AZIN2: variants seen among roughly 807,000 people sequenced by gnomAD.
AZIN2 encodes the protein ODC antizyme inhibitor-2.
Under a neutral mutation model 47.8 loss-of-function variants are expected in AZIN2, and 28 were observed. That is an observed-to-expected ratio of 0.59 (90% confidence interval 0.43 to 0.80). The LOEUF (loss-of-function observed/expected upper bound fraction) is 0.80, where lower values mean the gene tolerates loss of function less well. Ranked by LOEUF, AZIN2 falls within the 30% of genes least tolerant of loss-of-function variation. AZIN2 has a pLI of 0.00. For missense variants in AZIN2, 535 were observed against 582.5 expected (o/e 0.92, Z 0.84); for synonymous variants, 221 against 239.4 (o/e 0.92, Z 0.71).
In AZIN2 at chr1:33,122,055, T is replaced by C. The variant is rs1446890293; in HGVS notation, c.*1873T>C. On this transcript the variant is annotated 3_prime_UTR_variant, in exon 12 of 12. Coordinates refer to ENST00000294517, the MANE Select transcript of AZIN2 (RefSeq NM_052998.4). ...GGTTACTCTACTACCCCGTGATCCA[T>C]CAAAGCCACGATTTACAGGTATTAC... 6.6e-6 allele frequency among the ~76,000 whole-genome samples: 1 copy of C among 152,202 alleles called. No homozygotes were observed. The highest frequency in any genetic ancestry group is 1.5e-5 in the Non-Finnish European group (1 of 68,038).
the AZIN2 span, among the ~76,000 whole-genome samples, chr1:33,160,664 C>T: frequency 1.3e-5 from 2 of 152,086 alleles, no homozygotes; most frequent in African/African-American, 4.8e-5. Flanking sequence ...CTTGGCCTCC[C>T]AAAGTGCTGG....
At chr1:33,114,154 C>T (rs957583096) in intron 10 of AZIN2, among the ~76,000 whole-genome samples, 4 of 150,832 alleles carry the variant, frequency 2.7e-5, no homozygotes, top group Non-Finnish European at 5.9e-5. Flanking sequence ...TGGAGTCCTG[C>T]TCTGTCACCC....
At chr1:33,130,481 G>T in the AZIN2 span, among the ~76,000 whole-genome samples, 1 of 152,168 alleles carries the variant, frequency 6.6e-6, no homozygotes, top group Admixed American at 6.5e-5. Context: ...ATGTGTCAAA[G>T]AACAGATGAC....
the AZIN2 span, chr1:33,145,842 C>T: frequency 4.2e-6 from 2 of 470,932 alleles, no homozygotes; most frequent in Non-Finnish European, 8.8e-6. Context: ...GCTTGCTCCA[C>T]CCACCCTAAC....
chr1:33,109,666 A>G (rs1644198362), intron 10 of AZIN2, among the ~76,000 whole-genome samples: 1 of 152,036 alleles, frequency 6.6e-6, no homozygotes, highest in Admixed American at 6.6e-5. Flanking sequence ...TTTAATTTTA[A>G]TAAAGTCCAG....
intron 5 of AZIN2, among the ~76,000 whole-genome samples, chr1:33,090,831 A>G (rs1203335284): frequency 6.6e-6 from 1 of 152,126 alleles, no homozygotes; most frequent in East Asian, 1.9e-4. Flanking sequence ...GTATCCTTTG[A>G]CCAACTTCTT....
chr1:33,126,847 T>G (rs917528690), downstream of AZIN2, among the ~76,000 whole-genome samples: 14 of 152,218 alleles, frequency 9.2e-5, no homozygotes, highest in African/African-American at 3.4e-4. Flanking sequence ...CGTGTCTCAT[T>G]GCAATATTTG....
In AZIN2 at chr1:33,122,898, C is replaced by T. The variant is rs573321784; in HGVS notation, c.*2716C>T. Among the ~76,000 whole-genome samples the T allele has an allele frequency of 2.0e-5, 3 of 152,298 alleles. No homozygotes were observed. Among genetic ancestry groups the T allele is most frequent in the East Asian group, 3.9e-4 (2 of 5,180 alleles). On this transcript the variant is annotated 3_prime_UTR_variant, in exon 12 of 12. Coordinates refer to ENST00000294517, the MANE Select transcript of AZIN2 (RefSeq NM_052998.4). Reference sequence around the variant, plus strand: ...GACTGGCCCCTTCTTCCCCTTTCCCCTCCACAGTCCATCCTCCACTCAGCA... The same window carrying T: ...GACTGGCCCCTTCTTCCCCTTTCCCTTCCACAGTCCATCCTCCACTCAGCA...
the AZIN2 span, chr1:33,147,822 G>T: frequency 1.4e-6 from 2 of 1,404,744 alleles, no homozygotes; most frequent in Non-Finnish European, 1.9e-6. The surrounding 1 kb of genome is among the most constrained non-coding windows in gnomAD (Gnocchi z 8.1). Flanking sequence ...TGGTTGGTAC[G>T]CAGGAGGCCT....
At chr1:33,096,221 T>C (rs1047731006) in intron 8 of AZIN2, among the ~76,000 whole-genome samples, 2 of 152,138 alleles carry the variant, frequency 1.3e-5, no homozygotes, top group African/African-American at 4.8e-5. Context: ...ATCATAAAGG[T>C]CTTTGTCCTC....
At chr1:33,165,449 T>C in the AZIN2 span, 1 of 1,560,762 alleles carries the variant, frequency 6.4e-7, no homozygotes, top group Non-Finnish European at 8.7e-7. The surrounding 1 kb of genome is among the most constrained non-coding windows in gnomAD (Gnocchi z 4.0). Context: ...CGGCCCCACC[T>C]CCGCGCCCCG....
the AZIN2 span, among the ~76,000 whole-genome samples, chr1:33,129,073 A>G: frequency 6.6e-6 from 1 of 152,192 alleles, no homozygotes; most frequent in Admixed American, 6.5e-5. The surrounding 1 kb of genome is among the most constrained non-coding windows in gnomAD (Gnocchi z 4.1). Context: ...ATTCCAGACC[A>G]GGGCACTGGC....
At chr1:33,093,526 C>G in intron 7 of AZIN2, 110 bp downstream of exon 7, 1 of 1,341,408 alleles carries the variant, frequency 7.5e-7, no homozygotes, top group South Asian at 1.5e-5. Context: ...AGGGCCTGTC[C>G]CTGGGCCTGG....
At chr1:33,160,998 G>A in the AZIN2 span, among the ~76,000 whole-genome samples, 9 of 152,222 alleles carry the variant, frequency 5.9e-5, no homozygotes, top group Non-Finnish European at 2.9e-5. Flanking sequence ...GTGCCTGACA[G>A]TCTGCGTAAG....
chr1:33,162,597 C>T, the AZIN2 span, among the ~76,000 whole-genome samples: 3 of 152,190 alleles, frequency 2.0e-5, no homozygotes, highest in Non-Finnish European at 4.4e-5. Flanking sequence ...AGGGAAGAGT[C>T]TTGTCTGAGA....
At chr1:33,086,999 C>T (rs1180087549) in intron 5 of AZIN2, among the ~76,000 whole-genome samples, 1 of 152,200 alleles carries the variant, frequency 6.6e-6, no homozygotes, top group Non-Finnish European at 1.5e-5. Context: ...CCAGTGAGCA[C>T]TTTACTTTAA....
the AZIN2 span, chr1:33,164,068 C>A: frequency 0.19 from 28,293 of 152,152 alleles, 3,088 homozygotes; most frequent in South Asian, 0.3. Flanking sequence ...TGCTTCTCAT[C>A]ATCCAAGAGG....
At chr1:33,101,267 A>G (rs1643667280) in intron 10 of AZIN2, among the ~76,000 whole-genome samples, 1 of 151,798 alleles carries the variant, frequency 6.6e-6, no homozygotes, top group South Asian at 2.1e-4. Flanking sequence ...GAGAACTCCC[A>G]GCCCCAAGCG....
the AZIN2 span, among the ~76,000 whole-genome samples, chr1:33,162,144 A>G: frequency 1.3e-5 from 2 of 152,196 alleles, no homozygotes; most frequent in Non-Finnish European, 2.9e-5. Flanking sequence ...CTAAAGTGCC[A>G]ACTGAATCAC....
Sources: allele counts gnomAD v4.1 joint callset (sites outside exome capture counted in the v4.1 genomes callset), GRCh38; gene constraint gnomAD v4.1.1; non-coding constraint Gnocchi (gnomAD v3.1); transcripts MANE v1.5; gene names NCBI Gene and HGNC (gene_info 2026-07-23, HGNC 2026-07-21).